Variants in MSANTD2 observed in about 807,000 individuals in gnomAD.
MSANTD2 encodes the protein myb/SANT-like DNA-binding domain-containing protein 2.
A neutral mutation model predicts 52.6 loss-of-function variants in MSANTD2; 19 were observed. That is an observed-to-expected ratio of 0.36 (90% CI 0.25 to 0.53). The LOEUF is 0.53. Ranked by LOEUF, MSANTD2 falls within the 20% of genes least tolerant of loss-of-function variation. The probability of loss-of-function intolerance (pLI) is 0.91; values close to 1 mark genes in which losing one functional copy is unlikely to be tolerated. For missense variants in MSANTD2, 558 were observed against 716.3 expected (o/e 0.78, Z 2.52); for synonymous variants, 291 against 289.7 (o/e 1.00, Z -0.04).
chr11:124,775,287 GA>G (rs1274292946), intron 1 of MSANTD2: 3 of 190,686 alleles, frequency 1.6e-5, no homozygotes, highest in African/African-American at 2.4e-5. Flanking sequence ...GAATAAGGGG[GA>G]AAAAAAACAA....
intron 3 of MSANTD2, 40 bp downstream of exon 3, chr11:124,772,954 A>T: frequency 1.6e-6 from 2 of 1,278,902 alleles, no homozygotes; most frequent in Non-Finnish European, 2.3e-6. Context: ...CATTAAACTT[A>T]GGCAGACACA....
At chr11:124,771,497 C>G (rs181620180) in intron 3 of MSANTD2, among the ~76,000 whole-genome samples, 1 of 152,308 alleles carries the variant, frequency 6.6e-6, no homozygotes, top group Non-Finnish European at 1.5e-5. Context: ...TGGCCGGACA[C>G]TGTGGCTCAC....
chr11:124,800,060 G>C lies in MSANTD2; in HGVS notation c.321C>G (p.Ala107=). 1 of 1,549,932 alleles carries C rather than the reference G, an allele frequency of 6.5e-7. No individual in the cohort carries two copies. Among genetic ancestry groups the C allele is most frequent in the East Asian group, 2.5e-5 (1 of 39,564 alleles). Residue 107 remains alanine (A), a synonymous_variant, in exon 1 of 4, where the codon GCC becomes GCG. Transcript: ENST00000374979. The surrounding 1 kb of genome is among the most constrained non-coding windows in gnomAD (Gnocchi z 4.3). ...ACACTGCGATGAGCGCGTTCGTCTC[G>C]GCTGGCGTCCACGACATGCCCCGGC... ...AACRGMSWTP[A]ETNALIAVWG... is the part of the protein sequence containing the mutation.
Position 124,774,752 on chromosome 11 carries a change from C to T in MSANTD2, c.733G>A (p.Asp245Asn). Reference protein sequence around the residue: ...SQEDWGNHSQDLHGYPTDQEL... With the variant: ...SQEDWGNHSQNLHGYPTDQEL... Reference sequence around the variant, plus strand: ...TGATCTGTTGGATAGCCATGGAGATCCTGACTGTGGTTTCCCCAGTCCTCC... The same window carrying T: ...TGATCTGTTGGATAGCCATGGAGATTCTGACTGTGGTTTCCCCAGTCCTCC... Residue 245 changes from aspartate (D) to asparagine (N), a missense_variant, in exon 2 of 4, where the codon GAT (aspartate) becomes AAT (asparagine). Around this residue, in one of 2 missense-constraint regions of MSANTD2, gnomAD observed 408 missense variants for 573.6 expected, o/e 0.71. Transcript: ENST00000374979. The surrounding 1 kb of genome is among the most constrained non-coding windows in gnomAD (Gnocchi z 5.1). 1 of 1,614,180 alleles carries T rather than the reference C, an allele frequency of 6.2e-7. No homozygotes were observed. The highest frequency in any genetic ancestry group is 8.5e-7 in the Non-Finnish European group (1 of 1,180,040).
intron 1 of MSANTD2, chr11:124,790,382 T>TA (rs1379544485): frequency 6.6e-6 from 1 of 152,266 alleles, no homozygotes; most frequent in Non-Finnish European, 1.5e-5. Context: ...GAAATACTGT[T>TA]ATGGTCTTTG....
At chr11:124,784,761 G>T (rs2135255458) in intron 1 of MSANTD2, 1 of 772,620 alleles carries the variant, frequency 1.3e-6, no homozygotes, top group Non-Finnish European at 1.6e-6. Flanking sequence ...TACACATTTG[G>T]TTATGAGAAA....
intron 1 of MSANTD2, among the ~76,000 whole-genome samples, chr11:124,781,490 C>T (rs1944964713): frequency 6.6e-6 from 1 of 152,132 alleles, no homozygotes; most frequent in Non-Finnish European, 1.5e-5. Context: ...CCTTAGTAGT[C>T]TCTATGGCTA....
chr11:124,785,864 G>C (rs1945142149), intron 1 of MSANTD2, among the ~76,000 whole-genome samples: 1 of 151,504 alleles, frequency 6.6e-6, no homozygotes, highest in Non-Finnish European at 1.5e-5. Flanking sequence ...ACAAGGCAGA[G>C]AAACATTAAG....
rs1170524906 is a variant in MSANTD2 at position 124,766,967 on chromosome 11, C to T, written c.*209G>A. The T allele has an allele frequency of 2.0e-6, 1 of 511,094 alleles. No individual in the cohort carries two copies. The highest frequency in any genetic ancestry group is 3.4e-6 in the Non-Finnish European group (1 of 293,804). 31.7% of individuals were successfully genotyped at this position (511,094 alleles called of 1,614,324 possible). A position where few individuals can be genotyped will look rare whatever the true frequency, so the allele number is the denominator to read the frequency against. Reference sequence around the variant, plus strand: ...CCCACCATGCAAGTTCGCTATATATCTTGCTTGCTCAAAATGAGCATTTTC... The same window carrying T: ...CCCACCATGCAAGTTCGCTATATATTTTGCTTGCTCAAAATGAGCATTTTC... On this transcript the variant is annotated 3_prime_UTR_variant, in exon 4 of 4. Coordinates refer to ENST00000374979, the MANE Select transcript of MSANTD2 (RefSeq NM_001308027.2).
At chr11:124,786,486 T>C (rs1328464863) in intron 1 of MSANTD2, among the ~76,000 whole-genome samples, 2 of 152,222 alleles carry the variant, frequency 1.3e-5, no homozygotes, top group Non-Finnish European at 2.9e-5. Context: ...CATCCTTACC[T>C]GCTTTTACTG....
chr11:124,776,673 G>GA (rs1210524550), intron 1 of MSANTD2, among the ~76,000 whole-genome samples: 2 of 152,194 alleles, frequency 1.3e-5, no homozygotes, highest in Non-Finnish European at 2.9e-5. Context: ...TTTGTCCCTT[G>GA]AAGCCAGAAA....
intron 3 of MSANTD2, among the ~76,000 whole-genome samples, chr11:124,768,443 T>G (rs1001136035): frequency 6.6e-6 from 1 of 152,190 alleles, no homozygotes; most frequent in Non-Finnish European, 1.5e-5. Context: ...CCTTCAGACC[T>G]ACCTACCTAC....
At chr11:124,792,869 C>T (rs980717067) in intron 1 of MSANTD2, 7 of 151,856 alleles carry the variant, frequency 4.6e-5, no homozygotes, top group Admixed American at 2.0e-4. Flanking sequence ...TATCTAAATC[C>T]CCTCCCCCCC....
chr11:124,792,299 G>A (rs1236168924), intron 1 of MSANTD2: 5 of 152,172 alleles, frequency 3.3e-5, no homozygotes, highest in South Asian at 2.1e-4. Flanking sequence ...ACCATTCTAC[G>A]TGATTATGAC....
Position 124,798,328 on chromosome 11 carries a change from G to A in MSANTD2, c.510+1543C>T, listed in dbSNP as rs530871476. On this transcript the variant is annotated intron_variant, in intron 1 of 3. Coordinates refer to ENST00000374979, the MANE Select transcript of MSANTD2 (RefSeq NM_001308027.2). ...TACTGGGGAGGATTGTTTGAGCCCAGGAGTTCTTCAGGTTGGGCAAGAGAG... is the reference window on the plus strand; with the variant it reads ...TACTGGGGAGGATTGTTTGAGCCCAAGAGTTCTTCAGGTTGGGCAAGAGAG... Among the ~76,000 whole-genome samples, 10 of 151,574 alleles carry A rather than the reference G, an allele frequency of 6.6e-5. No homozygotes were observed. In the East Asian group the frequency reaches 1.9e-3, roughly 29 times the overall value.
At chr11:124,792,424 T>C (rs934776658) in intron 1 of MSANTD2, 2 of 152,268 alleles carry the variant, frequency 1.3e-5, no homozygotes, top group South Asian at 2.1e-4. Context: ...GAACACTGTT[T>C]GGATGCTTCC....
chr11:124,795,867 T>C (rs898803855), intron 1 of MSANTD2, among the ~76,000 whole-genome samples: 3 of 152,108 alleles, frequency 2.0e-5, no homozygotes, highest in Non-Finnish European at 4.4e-5. Flanking sequence ...GACTCCAAAA[T>C]TGGGCTGGAA....
At chr11:124,782,379 C>T (rs992847583) in intron 1 of MSANTD2, among the ~76,000 whole-genome samples, 4 of 151,892 alleles carry the variant, frequency 2.6e-5, no homozygotes, top group African/African-American at 9.7e-5. Context: ...TTGGGCTTAG[C>T]AGGTAGAGGC....
At chr11:124,784,509 G>A (rs1945094999) in intron 1 of MSANTD2, 44 of 981,736 alleles carry the variant, frequency 4.5e-5, no homozygotes, top group Non-Finnish European at 5.1e-5. Context: ...TCAAAAATCC[G>A]CACACAGCTT....
Sources: gnomAD v4.1 joint callset for allele counts (sites outside exome capture counted in the v4.1 genomes callset) on GRCh38, gnomAD v4.1.1 for gene constraint, gnomAD v4.1.1 regional missense constraint, Gnocchi (gnomAD v3.1) non-coding constraint, MANE v1.5 for transcripts, NCBI Gene and HGNC (gene_info 2026-07-23, HGNC 2026-07-21) for gene names.